Variants in LMNA observed in about 807,000 individuals in gnomAD.
LMNA encodes lamin.
In LMNA, 20 loss-of-function variants were observed where a neutral mutation model predicts 70.4. The ratio of observed to expected loss-of-function variants is 0.28; its 90% CI spans 0.20 to 0.41. LMNA has a LOEUF of 0.41. Among genes scored for constraint, LMNA ranks in the 10% least tolerant of loss-of-function variants. LMNA has a pLI of 1.00. For missense variants in LMNA, 652 were observed against 917.2 expected (o/e 0.71, Z 3.73); for synonymous variants, 339 against 372.8 (o/e 0.91, Z 1.04).
chr1:156,084,607 A>G (rs1376222105), intron 2 of LMNA, among the ~76,000 whole-genome samples: 1 of 152,064 alleles, frequency 6.6e-6, no homozygotes, highest in Non-Finnish European at 1.5e-5. Flanking sequence ...TGCCCCAGGA[A>G]CCTGGATTGC....
At chr1:156,113,145 A>T (rs952219604), upstream of LMNA, among the ~76,000 whole-genome samples, 27 of 150,292 alleles carry the variant, frequency 1.8e-4, no homozygotes, top group Admixed American at 1.3e-3. Flanking sequence ...AAATAAAAAT[A>T]AAAAAAAAAT....
chr1:156,112,315 A>T (rs1011481700), upstream of LMNA, among the ~76,000 whole-genome samples: 3 of 152,122 alleles, frequency 2.0e-5, no homozygotes, highest in Admixed American at 1.3e-4. Context: ...GAACCCAGGA[A>T]TTCAAGGTTG....
At chr1:156,088,771 TC>T (rs1648579507) in intron 2 of LMNA, among the ~76,000 whole-genome samples, 1 of 152,232 alleles carries the variant, frequency 6.6e-6, no homozygotes, top group Non-Finnish European at 1.5e-5. Context: ...TGCCTCAGCC[TC>T]CCAAGTAGCT....
intron 1 of LMNA, among the ~76,000 whole-genome samples, chr1:156,128,552 T>C (rs1650782002): frequency 6.6e-6 from 1 of 152,238 alleles, no homozygotes; most frequent in Non-Finnish European, 1.5e-5. Context: ...CTTTGTGCCA[T>C]AGTGTCTGCC....
intron 3 of LMNA, among the ~76,000 whole-genome samples, chr1:156,097,855 G>C (rs1648995574): frequency 6.6e-6 from 1 of 152,224 alleles, no homozygotes; most frequent in Non-Finnish European, 1.5e-5. Context: ...CAAGAGAGTA[G>C]GCCCCAGTTC....
chr1:156,126,596 G>C, intron 1 of LMNA: 2 of 895,552 alleles, frequency 2.2e-6, no homozygotes, highest in African/African-American at 1.6e-5. Flanking sequence ...CTGGGGAGCC[G>C]GACTTCCTTG....
chr1:156,093,852 C>T (rs1372342652), intron 3 of LMNA: 1 of 152,240 alleles, frequency 6.6e-6, no homozygotes, highest in Non-Finnish European at 1.5e-5. Context: ...AACACCCTCT[C>T]ACCCATATAT....
chr1:156,123,561 C>A (rs371337908), intron 1 of LMNA, among the ~76,000 whole-genome samples: 212 of 152,266 alleles, frequency 1.4e-3, no homozygotes, highest in African/African-American at 4.6e-3. Flanking sequence ...CACTGGCCTC[C>A]CTCCCGCCCC....
chr1:156,082,892 C>T (rs1385505356), intron 1 of LMNA: 1 of 152,188 alleles, frequency 6.6e-6, no homozygotes, highest in Non-Finnish European at 1.5e-5. Flanking sequence ...TCTCTCGCTC[C>T]CCTCTCCCCG....
intron 3 of LMNA, among the ~76,000 whole-genome samples, chr1:156,094,738 C>A (rs1648851917): frequency 6.6e-6 from 1 of 151,792 alleles, no homozygotes; most frequent in African/African-American, 2.4e-5. Context: ...TCAGTATTTA[C>A]CCATTTGTTA....
rs1651778134 is a variant in LMNA at position 156,137,659 on chromosome 1, G to A, written c.1614G>A (p.Val538=). Residue 538 remains valine, a synonymous_variant, in exon 10 of 12, where the codon GTG becomes GTA. Transcript: ENST00000368300. The surrounding 1 kb of genome is among the most constrained non-coding windows in gnomAD (Gnocchi z 4.6). Reference sequence around the variant, plus strand: ...TGGTTCCATGTCCCCACCAGGAAGTGGCCATGCGCAAGCTGGTGCGCTCAG... The same window carrying A: ...TGGTTCCATGTCCCCACCAGGAAGTAGCCATGCGCAAGCTGGTGCGCTCAG... The part of the protein sequence containing the change: ...TALINSTGEE[V]AMRKLVRSVT... 8.4e-6 allele frequency: 13 copies of A among 1,553,420 alleles called. No individual in the cohort carries two copies. The highest frequency in any genetic ancestry group is 1.1e-5 in the Non-Finnish European group (13 of 1,147,840).
chr1:156,105,380 C>A (rs1649293133), intron 3 of LMNA, among the ~76,000 whole-genome samples: 1 of 135,580 alleles, frequency 7.4e-6, no homozygotes, highest in Non-Finnish European at 1.5e-5. Context: ...CCCCATCCCA[C>A]AGGGCGGAGA....
rs747952058 is a variant in LMNA at position 156,136,246 on chromosome 1, G to A, written c.1190G>A (p.Arg397His). 1.2e-5 allele frequency: 20 copies of A among 1,611,828 alleles called. No individual in the cohort carries two copies. Among genetic ancestry groups the A allele is most frequent in the Middle Eastern group, 1.7e-4 (1 of 5,760 alleles). Residue 397 changes from arginine (R) to histidine (H), a missense_variant, in exon 7 of 12, where the codon CGC becomes CAC. Transcript: ENST00000368300. This position sits in a 1 kb window ranked among gnomAD's most constrained non-coding sequence, Gnocchi z 6.1. ...LRLSPSPTSQRSRGRASSHSS... is the reference protein window; with the variant it reads ...LRLSPSPTSQHSRGRASSHSS... ...CTGTCCCCCAGCCCTACCTCGCAGC[G>A]CAGCCGTGGCCGTGCTTCCTCTCAC... is the stretch of plus-strand genomic sequence containing the variant.
In LMNA at chr1:156,138,780, C is replaced by G; in HGVS notation, c.1968+23C>G. 2 of 1,613,214 alleles carry G rather than the reference C, an allele frequency of 1.2e-6. No homozygotes were observed. Among genetic ancestry groups the G allele is most frequent in the Non-Finnish European group, 1.7e-6 (2 of 1,179,994 alleles). Reference sequence around the variant, plus strand: ...CAGGTGAGTTGTCTCTGCTTTGTCTCCAAATCCTGCAGGCGGGTCCCTGGT... The same window carrying G: ...CAGGTGAGTTGTCTCTGCTTTGTCTGCAAATCCTGCAGGCGGGTCCCTGGT... On this transcript the variant is annotated intron_variant, in intron 11 of 11. Coordinates refer to ENST00000368300, the MANE Select transcript of LMNA (RefSeq NM_170707.4). The surrounding 1 kb of genome is among the most constrained non-coding windows in gnomAD (Gnocchi z 5.5).
chr1:156,133,580 A>G (rs972166328), intron 2 of LMNA, among the ~76,000 whole-genome samples: 2 of 151,982 alleles, frequency 1.3e-5, no homozygotes, highest in Non-Finnish European at 2.9e-5. Flanking sequence ...CAAAAAAAAA[A>G]TAAAAATAAA....
chr1:156,112,364 C>T (rs931729460), upstream of LMNA, among the ~76,000 whole-genome samples: 19 of 152,002 alleles, frequency 1.2e-4, no homozygotes, highest in African/African-American at 3.6e-4. Flanking sequence ...CCAGCCTGGG[C>T]GACAGACCAA....
At chr1:156,094,909 G>C (rs1199018086) in intron 3 of LMNA, among the ~76,000 whole-genome samples, 1 of 150,698 alleles carries the variant, frequency 6.6e-6, no homozygotes, top group Admixed American at 6.6e-5. Context: ...ACAGGCGTTT[G>C]TCACCACAAC....
chr1:156,092,890 CT>C (rs568056544), intron 3 of LMNA, among the ~76,000 whole-genome samples: 219 of 135,592 alleles, frequency 1.6e-3, no homozygotes, highest in Admixed American at 2.1e-3. Flanking sequence ...TTCTTTTTTT[CT>C]TTTTTTTTTT....
chr1:156,107,887 C>T (rs971489596), intron 3 of LMNA, among the ~76,000 whole-genome samples: 1 of 151,440 alleles, frequency 6.6e-6, no homozygotes, highest in Non-Finnish European at 1.5e-5. Flanking sequence ...TGCCTCAGCT[C>T]CCTGAGTAGC....
Sources: gnomAD v4.1 joint callset for allele counts (sites outside exome capture counted in the v4.1 genomes callset) on GRCh38, gnomAD v4.1.1 for gene constraint, Gnocchi (gnomAD v3.1) non-coding constraint, MANE v1.5 for transcripts, NCBI Gene and HGNC (gene_info 2026-07-23, HGNC 2026-07-21) for gene names.